The following RBM19 variants were observed in gnomAD, a reference collection of about 807,000 sequenced individuals.
The protein encoded by RBM19 is RNA binding motif protein 19.
RBM19 carries 94 observed loss-of-function variants against 116.8 expected under a neutral mutation model. The ratio of observed to expected loss-of-function variants is 0.80; its 90% confidence interval spans 0.68 to 0.95. The LOEUF is 0.95. Ranked by LOEUF, RBM19 falls within the 40% of genes least tolerant of loss-of-function variation. The pLI, the probability that RBM19 is intolerant of heterozygous loss-of-function variation, is 0.00. For missense variants in RBM19, 1,161 were observed against 1,220.7 expected, an observed-to-expected ratio of 0.95 and a Z score of 0.73; for synonymous variants, 475 against 494.1, an observed-to-expected ratio of 0.96 and a Z score of 0.51.
At chr12:113,904,640 G>C (rs1015086994) in intron 21 of RBM19, among the ~76,000 whole-genome samples, 1 of 152,186 alleles carries the variant, frequency 6.6e-6, no homozygotes, top group East Asian at 1.9e-4. Context: ...TGCTGAGGCT[G>C]ACATGCATGG....
chr12:113,918,363 G>A (rs377482708), intron 20 of RBM19, 29 bp downstream of exon 20: 1 of 1,613,474 alleles, frequency 6.2e-7, no homozygotes, highest in African/African-American at 1.3e-5. Context: ...CAGCTCGTAG[G>A]AAAGGAAATG....
chr12:113,935,126 T>A (rs1406577775), intron 16 of RBM19, among the ~76,000 whole-genome samples: 1 of 152,096 alleles, frequency 6.6e-6, no homozygotes, highest in African/African-American at 2.4e-5. Flanking sequence ...AGAGGGATAA[T>A]CCCCAGGACA....
intron 6 of RBM19, among the ~76,000 whole-genome samples, chr12:113,956,184 C>T (rs1003938297): frequency 6.6e-6 from 1 of 151,880 alleles, no homozygotes; most frequent in African/African-American, 2.4e-5. Context: ...AAGAAAAGGA[C>T]AGAGTGCATA....
chr12:113,911,453 GC>G (rs1324067884), intron 21 of RBM19, among the ~76,000 whole-genome samples: 1 of 152,222 alleles, frequency 6.6e-6, no homozygotes, highest in African/African-American at 2.4e-5. Flanking sequence ...CTTCAGCACT[GC>G]CGTTGTGGAC....
intron 16 of RBM19, among the ~76,000 whole-genome samples, chr12:113,932,945 G>C (rs1045505149): frequency 6.6e-6 from 1 of 152,060 alleles, no homozygotes; most frequent in Non-Finnish European, 1.5e-5. Flanking sequence ...TCGCCACATG[G>C]GGCTTTATTA....
intron 21 of RBM19, among the ~76,000 whole-genome samples, chr12:113,879,436 T>TAC (rs1879933764): frequency 6.8e-6 from 1 of 147,490 alleles, no homozygotes; most frequent in Non-Finnish European, 1.5e-5. Flanking sequence ...ACATTTTATA[T>TAC]ATATATATAT....
chr12:113,960,736 C>T (rs1872420448), intron 2 of RBM19, among the ~76,000 whole-genome samples: 1 of 152,172 alleles, frequency 6.6e-6, no homozygotes, highest in South Asian at 2.1e-4. Flanking sequence ...ACCACAGTTA[C>T]CCCACACTGC....
downstream of RBM19, among the ~76,000 whole-genome samples, chr12:113,820,333 G>A (rs561473132): frequency 4.6e-5 from 7 of 152,170 alleles, no homozygotes; most frequent in African/African-American, 1.2e-4. Flanking sequence ...TTGGACAAGC[G>A]TGATTTAAGA....
At chr12:113,932,515 C>T (rs1276458934) in intron 16 of RBM19, 1 of 152,220 alleles carries the variant, frequency 6.6e-6, no homozygotes, top group Non-Finnish European at 1.5e-5. Flanking sequence ...CTTCAGGCTC[C>T]CAGGAAGGCC....
At chr12:113,929,781 G>A (rs948441766) in intron 16 of RBM19, among the ~76,000 whole-genome samples, 1 of 152,206 alleles carries the variant, frequency 6.6e-6, no homozygotes, top group African/African-American at 2.4e-5. Flanking sequence ...TCTCACTCAT[G>A]ACCACAGCAG....
intron 21 of RBM19, among the ~76,000 whole-genome samples, chr12:113,897,256 C>T (rs1268740426): frequency 1.3e-5 from 2 of 152,228 alleles, no homozygotes; most frequent in East Asian, 3.9e-4. Flanking sequence ...GCAACCTTTG[C>T]TTCCTGGGTT....
chr12:113,954,965 C>T (rs182789483), intron 7 of RBM19, among the ~76,000 whole-genome samples, 166 bp downstream of exon 7: 2 of 152,304 alleles, frequency 1.3e-5, no homozygotes, highest in Admixed American at 6.5e-5. Flanking sequence ...TTTCCTGACC[C>T]TGACGATGCC....
intron 21 of RBM19, among the ~76,000 whole-genome samples, chr12:113,908,392 GC>G (rs2135839857): frequency 6.6e-6 from 1 of 152,002 alleles, no homozygotes; most frequent in South Asian, 2.1e-4. Context: ...CACGGCCACT[GC>G]AAGAGGAAAT....
At chr12:113,888,962 G>A (rs777156599) in intron 21 of RBM19, among the ~76,000 whole-genome samples, 2 of 152,218 alleles carry the variant, frequency 1.3e-5, no homozygotes, top group East Asian at 1.9e-4. Flanking sequence ...TCTTCTGGAC[G>A]TCGCAATGAC....
intron 22 of RBM19, 82 bp downstream of exon 22, chr12:113,858,709 G>T: frequency 7.4e-7 from 1 of 1,345,304 alleles, no homozygotes; most frequent in Non-Finnish European, 1.1e-6. Flanking sequence ...CTCTGTGTGT[G>T]TTAGAGGCCT....
intron 23 of RBM19, among the ~76,000 whole-genome samples, chr12:113,829,272 C>T (rs116894641): frequency 2.6e-5 from 4 of 152,346 alleles, no homozygotes; most frequent in Middle Eastern, 3.4e-3. Context: ...TGAGCCACTA[C>T]GTCCAGCCAG....
At chr12:113,908,573 CAAAAAAAAAAAAAAAA>C (rs11338829) in intron 21 of RBM19, among the ~76,000 whole-genome samples, 1 of 33,222 alleles carries the variant, frequency 3.0e-5, no homozygotes, top group African/African-American at 8.9e-5. Context: ...AAGAAAATAG[CAAAAAAAAAAAAAAAA>C]AAAAAAAAAA....
At chr12:113,939,810 G>T in intron 15 of RBM19, 150 bp downstream of exon 15, 1 of 774,878 alleles carries the variant, frequency 1.3e-6, no homozygotes, top group Non-Finnish European at 2.0e-6. Flanking sequence ...TCAGGCGGCA[G>T]GGATGATATT....
At position 113,900,082 on chromosome 12, in the gene RBM19, G is replaced by A. The variant is rs111824775; in HGVS notation, c.2558+14887C>T. Among the ~76,000 whole-genome samples, 391 of 152,258 alleles carry A rather than the reference G, an allele frequency of 2.6e-3. 4 individuals carry two copies. The highest frequency in any genetic ancestry group is 0.01 in the Middle Eastern group (3 of 292). On this transcript the variant is annotated intron_variant, in intron 21 of 23. Coordinates refer to ENST00000261741, the MANE Select transcript of RBM19 (RefSeq NM_016196.4). ...CTGTTCCACTGTCTGAGCTTTTGTCGCCCACTCTGGAACCAGTCTAGGCGT... is the reference window on the plus strand; with the variant it reads ...CTGTTCCACTGTCTGAGCTTTTGTCACCCACTCTGGAACCAGTCTAGGCGT...
Sources: gnomAD v4.1 joint callset for allele counts (sites outside exome capture counted in the v4.1 genomes callset) on GRCh38, gnomAD v4.1.1 for gene constraint, MANE v1.5 for transcripts, NCBI Gene and HGNC (gene_info 2026-07-23, HGNC 2026-07-21) for gene names.